The following GRM7 variants were observed in gnomAD, a reference collection of about 807,000 sequenced individuals.
GRM7 encodes glutamate metabotropic receptor 7.
GRM7 carries 35 observed loss-of-function variants against 84.5 expected under a neutral mutation model. The ratio of observed to expected loss-of-function variants is 0.41; its 90% CI spans 0.32 to 0.55. The LOEUF is 0.55. Ranked by LOEUF, GRM7 falls within the 20% of genes least tolerant of loss-of-function variation. The probability of loss-of-function intolerance (pLI) is 0.19; values close to 1 mark genes in which losing one functional copy is unlikely to be tolerated. For missense variants in GRM7, 1,003 were observed against 1,194.6 expected (o/e 0.84, Z 2.36); for synonymous variants, 487 against 455.1 (o/e 1.07, Z -0.89).
At chr3:7,404,432 C>T (rs2125163869) in intron 4 of GRM7, among the ~76,000 whole-genome samples, 1 of 152,288 alleles carries the variant, frequency 6.6e-6, no homozygotes, top group East Asian at 1.9e-4. Context: ...GAGAACTAAC[C>T]ATCAGGCTTC....
intron 8 of GRM7, among the ~76,000 whole-genome samples, chr3:7,644,076 AT>A (rs1698492529): frequency 7.2e-6 from 1 of 138,642 alleles, no homozygotes; most frequent in Non-Finnish European, 1.5e-5. Flanking sequence ...ATACTTATAT[AT>A]TTACCTTGTC....
At chr3:7,644,193 CGT>C (rs1491447695) in intron 8 of GRM7, among the ~76,000 whole-genome samples, 83,904 of 99,394 alleles carry the variant, frequency 0.84, 36,036 homozygotes, top group South Asian at 0.86. Flanking sequence ...TATGTCTGTA[CGT>C]ATATATATAT....
intron 4 of GRM7, among the ~76,000 whole-genome samples, chr3:7,315,089 TAGAA>T (rs957903300): frequency 1.3e-5 from 2 of 152,156 alleles, no homozygotes; most frequent in African/African-American, 2.4e-5. Flanking sequence ...TCAGGACTAT[TAGAA>T]AGAAAACAAA....
chr3:7,163,281 C>T (rs1432263572), intron 2 of GRM7, among the ~76,000 whole-genome samples: 7 of 152,118 alleles, frequency 4.6e-5, no homozygotes, highest in African/African-American at 1.7e-4. Flanking sequence ...CTAGACAGGG[C>T]CCCCCAAATG....
intron 8 of GRM7, among the ~76,000 whole-genome samples, chr3:7,645,571 A>T (rs1698596267): frequency 7.7e-6 from 1 of 130,590 alleles, no homozygotes. Flanking sequence ...AAAAAAAAAA[A>T]GAAAAGAAAA....
At chr3:7,131,183 A>G (rs144253873) in intron 1 of GRM7, among the ~76,000 whole-genome samples, 147 of 152,332 alleles carry the variant, frequency 9.6e-4, no homozygotes, top group African/African-American at 3.3e-3. Flanking sequence ...TGTAGGCAGA[A>G]GTGATTCTTA....
Position 7,307,278 on chromosome 3 carries a change from C to T in GRM7, c.1033+626C>T, listed in dbSNP as rs138073164. 1.3e-3 allele frequency among the ~76,000 whole-genome samples: 202 copies of T among 152,260 alleles called. 2 individuals are homozygous for T. Among genetic ancestry groups the T allele is most frequent in the African/African-American group, 4.7e-3 (196 of 41,564 alleles). ...AGAGTGTCTGTTGCCACCCTGTAAT[C>T]TGACAAAATTTGCCGATTATAAGTT... is the stretch of plus-strand genomic sequence containing the variant. On this transcript the variant is annotated intron_variant, in intron 4 of 9. Transcript: ENST00000357716.
At chr3:6,953,439 A>G (rs948798020) in intron 1 of GRM7, among the ~76,000 whole-genome samples, 1 of 152,272 alleles carries the variant, frequency 6.6e-6, no homozygotes, top group South Asian at 2.1e-4. Flanking sequence ...ATTGCTCACC[A>G]TCTCTTGACA....
At chr3:7,229,761 T>TATA (rs1284337696) in intron 2 of GRM7, among the ~76,000 whole-genome samples, 66 of 25,586 alleles carry the variant, frequency 2.6e-3, no homozygotes, top group Non-Finnish European at 4.4e-3. Context: ...ATATATATAT[T>TATA]TTTTTTTTTT....
intron 1 of GRM7, among the ~76,000 whole-genome samples, chr3:7,045,917 CAT>C (rs2124947533): frequency 6.6e-6 from 1 of 152,194 alleles, no homozygotes; most frequent in South Asian, 2.1e-4. Flanking sequence ...TGCTGGATCA[CAT>C]GATAGTTCTA....
At chr3:7,091,040 A>G (rs182049074) in intron 1 of GRM7, among the ~76,000 whole-genome samples, 22 of 152,244 alleles carry the variant, frequency 1.4e-4, no homozygotes, top group Middle Eastern at 3.4e-3. Flanking sequence ...GTCATGATTT[A>G]TTTGTCCCAA....
chr3:7,601,952 G>A (rs1043873635), intron 8 of GRM7, among the ~76,000 whole-genome samples: 5 of 151,968 alleles, frequency 3.3e-5, no homozygotes, highest in Admixed American at 3.3e-4. Context: ...CAGCCGAGGA[G>A]AGGAAGAATC....
intron 5 of GRM7, among the ~76,000 whole-genome samples, chr3:7,417,035 A>T (rs985668254): frequency 2.0e-5 from 3 of 152,064 alleles, no homozygotes; most frequent in Non-Finnish European, 4.4e-5. Context: ...ATGAGCTTAA[A>T]CACAGGCTGT....
intron 7 of GRM7, among the ~76,000 whole-genome samples, chr3:7,563,158 G>A (rs1694101616): frequency 6.6e-6 from 1 of 152,100 alleles, no homozygotes; most frequent in African/African-American, 2.4e-5. Flanking sequence ...AAGATGAATG[G>A]CTGAGCTGGT....
intron 4 of GRM7, among the ~76,000 whole-genome samples, chr3:7,391,764 G>GA (rs1175020286): frequency 0.019 from 2,492 of 129,622 alleles, 59 homozygotes; most frequent in African/African-American, 0.058. Flanking sequence ...GGTGTGCATG[G>GA]AAAAAAAACA....
chr3:6,958,239 C>CTT (rs60986157), intron 1 of GRM7, among the ~76,000 whole-genome samples: 2 of 145,472 alleles, frequency 1.4e-5, no homozygotes, highest in African/African-American at 5.1e-5. Context: ...TGGTATCAGG[C>CTT]TTTTTTTTTT....
intron 8 of GRM7, among the ~76,000 whole-genome samples, chr3:7,596,778 A>G (rs1027863677): frequency 6.6e-6 from 1 of 152,112 alleles, no homozygotes; most frequent in Admixed American, 6.5e-5. Flanking sequence ...AGCTTCTGTG[A>G]GCATAATAAA....
intron 1 of GRM7, among the ~76,000 whole-genome samples, chr3:6,978,186 G>T (rs79496753): frequency 6.6e-6 from 1 of 152,070 alleles, no homozygotes; most frequent in Admixed American, 6.6e-5. Context: ...TACAGCAGAA[G>T]AGACACAGAG....
intron 1 of GRM7, among the ~76,000 whole-genome samples, chr3:6,953,606 C>T (rs1350740697): frequency 3.3e-5 from 5 of 152,192 alleles, no homozygotes; most frequent in South Asian, 2.1e-4. Context: ...ACTAAAAAAG[C>T]ACACTAGGTT....
Sources: gnomAD v4.1 joint callset for allele counts (sites outside exome capture counted in the v4.1 genomes callset) on GRCh38, gnomAD v4.1.1 for gene constraint, MANE v1.5 for transcripts, NCBI Gene and HGNC (gene_info 2026-07-23, HGNC 2026-07-21) for gene names.